POU6F2: variants seen among roughly 807,000 people sequenced by gnomAD.
POU6F2 encodes the protein POU class 6 homeobox 2, also known as POU domain, class 6, transcription factor 2.
In POU6F2, 31 loss-of-function variants were observed where a neutral mutation model predicts 71.3. The ratio of observed to expected loss-of-function variants is 0.43; its 90% CI spans 0.33 to 0.59. The LOEUF (loss-of-function observed/expected upper bound fraction) is 0.59. Among genes scored for constraint, POU6F2 ranks in the 20% least tolerant of loss-of-function variants. POU6F2 has a pLI of 0.04. For missense variants in POU6F2, 783 were observed against 856.8 expected (o/e 0.91, Z 1.07); for synonymous variants, 347 against 355.7 (o/e 0.98, Z 0.27).
Position 39,031,464 on chromosome 7 carries a change from G to A in POU6F2, c.105+53406G>A, listed in dbSNP as rs148251103. On this transcript the variant is annotated intron_variant, in intron 1 of 9. Transcript: ENST00000518318. ...TTTCATTTTAAGGTTCCATGTGAAT[G>A]TGAATATGTAACAAAACACCTACTC... 2.0e-3 allele frequency among the ~76,000 whole-genome samples: 307 copies of A among 152,296 alleles called. 1 individual carries two copies. The highest frequency in any genetic ancestry group is 7.0e-3 in the African/African-American group (293 of 41,568).
intron 2 of POU6F2, among the ~76,000 whole-genome samples, chr7:39,097,797 T>G (rs1047406526): frequency 6.6e-6 from 1 of 152,192 alleles, no homozygotes; most frequent in African/African-American, 2.4e-5. Context: ...GAACAAGACA[T>G]GGGGACCCCA....
chr7:39,377,086 A>G (rs996831074), intron 5 of POU6F2, among the ~76,000 whole-genome samples: 1 of 148,222 alleles, frequency 6.7e-6, no homozygotes, highest in Non-Finnish European at 1.5e-5. Context: ...TTAGGTATTA[A>G]ATAACTTAAA....
chr7:39,367,304 G>A (rs1046066015), intron 5 of POU6F2, among the ~76,000 whole-genome samples: 4 of 151,960 alleles, frequency 2.6e-5, no homozygotes, highest in South Asian at 2.1e-4. Flanking sequence ...CCATTTGTCC[G>A]ATAGCCACCA....
chr7:39,142,883 T>C (rs1196980642), intron 2 of POU6F2, among the ~76,000 whole-genome samples: 2 of 152,238 alleles, frequency 1.3e-5, no homozygotes, highest in East Asian at 3.8e-4. Flanking sequence ...CATGTAAATG[T>C]ATATGGATCT....
chr7:39,339,478 C>T (rs376335054), intron 4 of POU6F2, among the ~76,000 whole-genome samples, 164 bp from the exon 5 acceptor site: 1 of 152,164 alleles, frequency 6.6e-6, no homozygotes, highest in South Asian at 2.1e-4. Context: ...GACCTTTGTT[C>T]TCCCAGTGCC....
At chr7:39,451,508 A>G in intron 7 of POU6F2, 25 bp from the exon 8 acceptor site, 1 of 1,583,210 alleles carries the variant, frequency 6.3e-7, no homozygotes, top group Non-Finnish European at 8.6e-7. Flanking sequence ...TCATTTGTGT[A>G]TTTTTTTTAC....
At chr7:39,228,976 C>T (rs944006785) in intron 4 of POU6F2, among the ~76,000 whole-genome samples, 3 of 152,146 alleles carry the variant, frequency 2.0e-5, no homozygotes, top group Non-Finnish European at 2.9e-5. Flanking sequence ...AGCCTCCTGG[C>T]CCCATTTTTT....
chr7:39,393,373 GAT>G (rs1462405223), intron 5 of POU6F2, among the ~76,000 whole-genome samples: 4 of 152,138 alleles, frequency 2.6e-5, no homozygotes, highest in Admixed American at 1.3e-4. Flanking sequence ...GGGTGTGGCA[GAT>G]ACTCCTGGAA....
chr7:39,143,450 G>A (rs759222137), intron 2 of POU6F2, among the ~76,000 whole-genome samples: 1 of 152,168 alleles, frequency 6.6e-6, no homozygotes, highest in Non-Finnish European at 1.5e-5. Context: ...AAGCTGTCTG[G>A]GAAGCTCTCT....
At position 39,464,490 on chromosome 7, in the gene POU6F2, A is replaced by G. The variant is rs1293600009; in HGVS notation, c.1967A>G (p.Glu656Gly). 6.2e-7 allele frequency: 1 copy of G among 1,613,776 alleles called. No homozygotes were observed. Among genetic ancestry groups the G allele is most frequent in the Non-Finnish European group, 8.5e-7 (1 of 1,179,844 alleles). ...QALEILNAHF[E>G]KNTHPSGQEM... ...CTTGAGATCCTCAATGCCCACTTTG[A>G]GAAGAACACACACCCTTCTGGGCAG... Residue 656 changes from glutamate to glycine, a missense_variant, in exon 10 of 10, where the codon GAG (glutamate) becomes GGG (glycine). Physicochemically the swap from Glu to Gly is moderately conservative, Grantham distance 98. Coordinates refer to ENST00000518318, the MANE Select transcript of POU6F2 (RefSeq NM_001370959.1). The surrounding 1 kb of genome is among the most constrained non-coding windows in gnomAD (Gnocchi z 4.1).
chr7:39,136,860 G>A (rs1331893623), intron 2 of POU6F2, among the ~76,000 whole-genome samples: 3 of 151,060 alleles, frequency 2.0e-5, no homozygotes, highest in Admixed American at 6.6e-5. Flanking sequence ...GGTGGTGTAC[G>A]ACTGTAGTCC....
intron 4 of POU6F2, among the ~76,000 whole-genome samples, chr7:39,271,361 G>A (rs766424401): frequency 2.6e-5 from 4 of 152,144 alleles, no homozygotes. Flanking sequence ...CCTTTATGAT[G>A]TGGGTGCCTT....
intron 5 of POU6F2, among the ~76,000 whole-genome samples, chr7:39,355,697 G>C (rs562885166): frequency 6.6e-6 from 1 of 152,052 alleles, no homozygotes; most frequent in African/African-American, 2.4e-5. Flanking sequence ...CCACACACAC[G>C]TATCTTCCAG....
chr7:39,129,342 A>T (rs1296516611), intron 2 of POU6F2, among the ~76,000 whole-genome samples: 1 of 152,194 alleles, frequency 6.6e-6, no homozygotes, highest in African/African-American at 2.4e-5. Flanking sequence ...AGCATATAGT[A>T]GTTGCTCTAT....
intron 4 of POU6F2, among the ~76,000 whole-genome samples, chr7:39,311,914 C>A (rs1583515983): frequency 6.6e-6 from 1 of 151,978 alleles, no homozygotes; most frequent in South Asian, 2.1e-4. Context: ...AATGAAACTT[C>A]TAAAGAAAGA....
At chr7:39,056,630 TTC>T in intron 1 of POU6F2, among the ~76,000 whole-genome samples, 1 of 149,836 alleles carries the variant, frequency 6.7e-6, no homozygotes, top group Admixed American at 6.7e-5. Context: ...CTCTCCTTGT[TTC>T]TCTCTCTTTC....
chr7:39,305,018 T>TCAAA (rs964365626), intron 4 of POU6F2, among the ~76,000 whole-genome samples: 1 of 152,232 alleles, frequency 6.6e-6, no homozygotes, highest in Non-Finnish European at 1.5e-5. Context: ...TAGCCTGTTT[T>TCAAA]CAAACAAACA....
chr7:39,386,059 A>C (rs369757254), intron 5 of POU6F2, among the ~76,000 whole-genome samples: 1 of 149,952 alleles, frequency 6.7e-6, no homozygotes, highest in Non-Finnish European at 1.5e-5. Flanking sequence ...CAGAGCTTGC[A>C]GTGAGCTGAG....
intron 2 of POU6F2, among the ~76,000 whole-genome samples, chr7:39,167,007 A>G (rs1793127591): frequency 6.6e-6 from 1 of 152,142 alleles, no homozygotes; most frequent in Admixed American, 6.5e-5. Flanking sequence ...AGCATATTCA[A>G]ATAATATAGA....
Sources: allele counts gnomAD v4.1 joint callset (sites outside exome capture counted in the v4.1 genomes callset), GRCh38; gene constraint gnomAD v4.1.1; non-coding constraint Gnocchi (gnomAD v3.1); transcripts MANE v1.5; gene names NCBI Gene and HGNC (gene_info 2026-07-23, HGNC 2026-07-21).